MMP20: variants seen among roughly 807,000 people sequenced by gnomAD.
MMP20 encodes the protein matrix metallopeptidase 20.
MMP20 carries 50 observed loss-of-function variants against 51.8 expected under a neutral mutation model. The ratio of observed to expected loss-of-function variants is 0.97; its 90% CI spans 0.77 to 1.22. The LOEUF is 1.22. Ranked by LOEUF, MMP20 falls within the 50% of genes most tolerant of loss-of-function variation. The pLI is 0.00. For synonymous variants in MMP20, 244 were observed against 216.2 expected (o/e 1.13, Z -1.13); for missense variants, 663 against 601.4 (o/e 1.10, Z -1.07).
At chr11:102,583,015 G>A (rs1048775904) in intron 8 of MMP20, among the ~76,000 whole-genome samples, 2 of 152,132 alleles carry the variant, frequency 1.3e-5, no homozygotes, top group Non-Finnish European at 1.5e-5. Flanking sequence ...CTGCTCTTGA[G>A]TTCAAGACCT....
At chr11:102,610,508 T>C (rs574042165) in intron 3 of MMP20, among the ~76,000 whole-genome samples, 1 of 152,206 alleles carries the variant, frequency 6.6e-6, no homozygotes, top group African/African-American at 2.4e-5. Context: ...TCTGTTTCTA[T>C]AGCACAATAC....
At chr11:102,613,262 G>A (rs76515795) in intron 2 of MMP20, among the ~76,000 whole-genome samples, 1 of 152,168 alleles carries the variant, frequency 6.6e-6, no homozygotes, top group Non-Finnish European at 1.5e-5. Context: ...CAAAGGAAAG[G>A]CAGGGAGGGC....
intron 8 of MMP20, among the ~76,000 whole-genome samples, chr11:102,584,357 A>G (rs868068829): frequency 3.0e-4 from 45 of 152,106 alleles, no homozygotes; most frequent in African/African-American, 8.2e-4. Context: ...TGCGGGTTTC[A>G]TTTGCATTTT....
intron 1 of MMP20, among the ~76,000 whole-genome samples, chr11:102,621,508 G>C (rs1461124497): frequency 6.6e-6 from 1 of 152,246 alleles, no homozygotes; most frequent in Non-Finnish European, 1.5e-5. Context: ...GGCTACGTGA[G>C]TGTGAGGATC....
chr11:102,601,970 G>C (rs1379405232), intron 6 of MMP20, among the ~76,000 whole-genome samples: 2 of 131,190 alleles, frequency 1.5e-5, no homozygotes, highest in Non-Finnish European at 3.1e-5. Context: ...TTTTTTTTGA[G>C]ACGGAGTCTT....
At chr11:102,624,047 GC>G (rs1333578238) in intron 1 of MMP20, among the ~76,000 whole-genome samples, 1 of 152,256 alleles carries the variant, frequency 6.6e-6, no homozygotes, top group Non-Finnish European at 1.5e-5. Flanking sequence ...CATCTGCGGG[GC>G]TGATATTTAA....
intron 6 of MMP20, among the ~76,000 whole-genome samples, chr11:102,596,193 T>C (rs1456859668): frequency 6.6e-6 from 1 of 152,226 alleles, no homozygotes; most frequent in Non-Finnish European, 1.5e-5. Context: ...TATATCCCAT[T>C]GCATTTAGGG....
At chr11:102,588,649 A>G (rs1401522875) in intron 8 of MMP20, among the ~76,000 whole-genome samples, 1 of 152,260 alleles carries the variant, frequency 6.6e-6, no homozygotes, top group Non-Finnish European at 1.5e-5. Flanking sequence ...ATATGCATTT[A>G]TACTGTCTTT....
chr11:102,617,093 C>A (rs755113904), intron 1 of MMP20, 34 bp from the exon 2 acceptor site: 8 of 1,613,676 alleles, frequency 5.0e-6, no homozygotes, highest in African/African-American at 2.7e-5. Flanking sequence ...GCGTCTACAG[C>A]GTAGTCTGGG....
Position 102,625,223 on chromosome 11 carries a change from T to G in MMP20, c.97A>C (p.Thr33Pro), listed in dbSNP as rs1859806815. The G allele has an allele frequency of 1.2e-6, 2 of 1,613,810 alleles. No homozygotes were observed. The highest frequency in any genetic ancestry group is 2.2e-5 in the South Asian group (2 of 91,068). ...GCGAGGCGGTAGTTGTTCCTCCAGG[T>G]CCTGGGGGAGGCTGCAACTAGGGAG... ...APSLVAASPRTWRNNYRLAQA... is the reference protein window; with the variant it reads ...APSLVAASPRPWRNNYRLAQA... Residue 33 changes from threonine (T) to proline (P), a missense_variant, in exon 1 of 10, where the codon ACC becomes CCC. Physicochemically the swap from Thr to Pro is conservative, Grantham distance 38 (BLOSUM62 -1). Coordinates refer to ENST00000260228, the MANE Select transcript of MMP20 (RefSeq NM_004771.4).
intron 8 of MMP20, among the ~76,000 whole-genome samples, chr11:102,581,067 G>A (rs924400514): frequency 2.6e-5 from 4 of 152,108 alleles, no homozygotes; most frequent in African/African-American, 7.2e-5. Flanking sequence ...TGCTGACTCC[G>A]TGATCAGGAA....
chr11:102,602,855 C>T (rs1188692014), intron 6 of MMP20, among the ~76,000 whole-genome samples: 2 of 152,186 alleles, frequency 1.3e-5, no homozygotes, highest in African/African-American at 2.4e-5. Flanking sequence ...ATGATAGATG[C>T]AAATATAATT....
At chr11:102,594,897 T>A (rs1019963000) in intron 6 of MMP20, 140 bp from the exon 7 acceptor site, 5 of 1,019,746 alleles carry the variant, frequency 4.9e-6, no homozygotes, top group Non-Finnish European at 6.7e-6. Flanking sequence ...GCCTTGTTTT[T>A]TTTCTCTTTT....
chr11:102,625,023 T>G (rs549779586), intron 1 of MMP20, among the ~76,000 whole-genome samples, 171 bp downstream of exon 1: 1 of 152,324 alleles, frequency 6.6e-6, no homozygotes, highest in South Asian at 2.1e-4. Context: ...ACACCTAATA[T>G]GCACCAGACA....
At chr11:102,612,187 G>A (rs11828957) in intron 2 of MMP20, among the ~76,000 whole-genome samples, 21 of 152,146 alleles carry the variant, frequency 1.4e-4, no homozygotes, top group African/African-American at 2.7e-4. Flanking sequence ...ATTTGTGGCC[G>A]GGCGCAGTGG....
chr11:102,603,695 A>G (rs987558339), intron 6 of MMP20, among the ~76,000 whole-genome samples: 1 of 152,230 alleles, frequency 6.6e-6, no homozygotes, highest in Non-Finnish European at 1.5e-5. Flanking sequence ...TGGCAAGTCC[A>G]GTGCTGGGAC....
At chr11:102,607,145 C>T (rs1313514144) in intron 5 of MMP20, 1 of 182,282 alleles carries the variant, frequency 5.5e-6, no homozygotes, top group East Asian at 1.5e-4. Flanking sequence ...TGTGTGTTTT[C>T]CTATTATTTT....
At chr11:102,579,640 A>G (rs868417113) in intron 8 of MMP20, among the ~76,000 whole-genome samples, 3 of 152,266 alleles carry the variant, frequency 2.0e-5, no homozygotes, top group South Asian at 4.1e-4. Flanking sequence ...GGCTCTTAAA[A>G]TACCTAAAAG....
intron 2 of MMP20, among the ~76,000 whole-genome samples, chr11:102,615,960 C>T (rs1470564010): frequency 6.6e-6 from 1 of 152,078 alleles, no homozygotes; most frequent in African/African-American, 2.4e-5. Flanking sequence ...CTTGGTTGGA[C>T]CAACCTGGGG....
Sources: allele counts gnomAD v4.1 joint callset (sites outside exome capture counted in the v4.1 genomes callset), GRCh38; gene constraint gnomAD v4.1.1; transcripts MANE v1.5; gene names NCBI Gene and HGNC (gene_info 2026-07-23, HGNC 2026-07-21).